Variants in GRIK2 observed in about 807,000 individuals in gnomAD.
GRIK2 encodes the protein glutamate receptor ionotropic, kainate 2.
A neutral mutation model predicts 100.3 loss-of-function variants in GRIK2; 32 were observed. The observed-to-expected ratio is 0.32, with a 90% CI of 0.24 to 0.43. The LOEUF is 0.43. GRIK2 is among the 20% of genes least tolerant of loss of function. The pLI, the probability that GRIK2 is intolerant of heterozygous loss-of-function variation, is 1.00. For missense variants in GRIK2, 843 were observed against 1,114.9 expected (o/e 0.76, Z 3.47); for synonymous variants, 417 against 389.4 (o/e 1.07, Z -0.83).
intron 2 of GRIK2, among the ~76,000 whole-genome samples, chr6:101,471,024 C>A (rs1013043794): frequency 6.6e-6 from 1 of 152,030 alleles, no homozygotes; most frequent in African/African-American, 2.4e-5. Context: ...CTTTTTGTGT[C>A]ATTATGCAAA....
At position 101,924,585 on chromosome 6, in the gene GRIK2, C is replaced by T. The variant is rs1403813393; in HGVS notation, c.1749-16C>T. 7.9e-7 allele frequency: 1 copy of T among 1,264,322 alleles called. No homozygotes were observed. The highest frequency in any genetic ancestry group is 1.2e-6 in the Non-Finnish European group (1 of 869,152). 78.3% of individuals were successfully genotyped at this position (1,264,322 alleles called of 1,614,324 possible). A position where few individuals can be genotyped will look rare whatever the true frequency, so the allele number is the denominator to read the frequency against. ...CTGCAATTTAAATGTATTCTTTTTT[C>T]TGTCAATTACCACAGGTTTAGTCCT... On this transcript the variant is annotated splice_polypyrimidine_tract_variant and intron_variant, in intron 12 of 16. Coordinates refer to ENST00000369134, the MANE Select transcript of GRIK2 (RefSeq NM_021956.5).
chr6:101,864,143 C>CAAA (rs138911944), intron 11 of GRIK2, among the ~76,000 whole-genome samples: 2,447 of 85,724 alleles, frequency 0.029, 103 homozygotes, highest in African/African-American at 0.11. Context: ...GACTCCGTCT[C>CAAA]AAAAAAAAAA....
chr6:101,673,367 GTTC>G (rs1419132408), intron 4 of GRIK2, among the ~76,000 whole-genome samples: 1 of 152,090 alleles, frequency 6.6e-6, no homozygotes, highest in Non-Finnish European at 1.5e-5. Flanking sequence ...TCTTTCCCCG[GTTC>G]TTCTCATCGG....
intron 2 of GRIK2, among the ~76,000 whole-genome samples, chr6:101,519,686 G>A: frequency 6.6e-6 from 1 of 151,944 alleles, no homozygotes; most frequent in Non-Finnish European, 1.5e-5. Flanking sequence ...GTTTTTGATG[G>A]ATATAAAAAT....
At chr6:101,403,973 T>A (rs892383576) in intron 2 of GRIK2, among the ~76,000 whole-genome samples, 29 of 152,336 alleles carry the variant, frequency 1.9e-4, no homozygotes, top group African/African-American at 6.5e-4. Context: ...CTTGATGTGA[T>A]CCATCAAAAG....
At chr6:101,739,019 C>T (rs62419268) in intron 7 of GRIK2, among the ~76,000 whole-genome samples, 1 of 152,150 alleles carries the variant, frequency 6.6e-6, no homozygotes, top group African/African-American at 2.4e-5. Context: ...TCTCTTTTAA[C>T]AGATGTCTAT....
chr6:101,592,137 A>G (rs767913904), intron 2 of GRIK2, among the ~76,000 whole-genome samples: 1 of 152,044 alleles, frequency 6.6e-6, no homozygotes, highest in Non-Finnish European at 1.5e-5. Context: ...AGATGCCAGC[A>G]TCATGCTTCC....
At chr6:101,629,970 G>A (rs1448492005) in intron 4 of GRIK2, among the ~76,000 whole-genome samples, 1 of 152,064 alleles carries the variant, frequency 6.6e-6, no homozygotes, top group Non-Finnish European at 1.5e-5. Flanking sequence ...TGAAGTATTT[G>A]GTTTTCTGTT....
intron 15 of GRIK2, among the ~76,000 whole-genome samples, chr6:102,037,232 C>T (rs1770319757): frequency 6.6e-6 from 1 of 151,172 alleles, no homozygotes. Context: ...CGAGTTCTTA[C>T]TCCCAAAATA....
chr6:101,794,161 C>T (rs548588039), intron 7 of GRIK2, among the ~76,000 whole-genome samples: 8 of 152,304 alleles, frequency 5.3e-5, no homozygotes, highest in Non-Finnish European at 1.2e-4. Flanking sequence ...CCTTGCGCTT[C>T]CTGAGTGAGG....
intron 7 of GRIK2, among the ~76,000 whole-genome samples, chr6:101,769,190 T>A (rs1778244430): frequency 6.6e-6 from 1 of 152,320 alleles, no homozygotes; most frequent in Middle Eastern, 3.4e-3. Flanking sequence ...ATCTTTGTAC[T>A]GTTTTCCTTG....
At chr6:101,682,509 C>A in intron 5 of GRIK2, 44 bp from the exon 6 acceptor site, 1 of 841,880 alleles carries the variant, frequency 1.2e-6, no homozygotes, top group Non-Finnish European at 2.0e-6. Context: ...GACATACTGT[C>A]TTTCCTGAAA....
chr6:101,678,804 C>A (rs1485973722), intron 5 of GRIK2, among the ~76,000 whole-genome samples: 2 of 152,100 alleles, frequency 1.3e-5, no homozygotes, highest in Admixed American at 6.6e-5. Context: ...AAATAAATGG[C>A]CTTAATCAGT....
rs539748178 is a variant in GRIK2 at position 101,954,686 on chromosome 6, T to A, written c.2085+26054T>A. ...TTTAAGGTTTTCTTTCCAATCTGGA[T>A]GCCTTTGTGTTTTTTTTCTTGCCTT... On this transcript the variant is annotated intron_variant, in intron 14 of 16. Coordinates refer to ENST00000369134, the MANE Select transcript of GRIK2 (RefSeq NM_021956.5). Among the ~76,000 whole-genome samples the A allele has an allele frequency of 1.7e-3, 265 of 152,308 alleles. 1 individual carries two copies. Among genetic ancestry groups the A allele is most frequent in the South Asian group, 0.011 (54 of 4,830 alleles).
chr6:101,551,470 A>G (rs540474113), intron 2 of GRIK2, among the ~76,000 whole-genome samples: 2 of 152,276 alleles, frequency 1.3e-5, no homozygotes, highest in East Asian at 3.9e-4. Flanking sequence ...GAGGAGTAAG[A>G]AGACACTGCA....
chr6:101,554,292 G>C (rs1300186428), intron 2 of GRIK2, among the ~76,000 whole-genome samples: 3 of 152,158 alleles, frequency 2.0e-5, no homozygotes, highest in Non-Finnish European at 4.4e-5. Flanking sequence ...TAGTGTCTGT[G>C]TCCTTCAGAT....
chr6:101,959,724 G>A (rs1222448006), intron 14 of GRIK2, among the ~76,000 whole-genome samples: 2 of 152,140 alleles, frequency 1.3e-5, no homozygotes, highest in Admixed American at 6.5e-5. Context: ...TTTTAACACC[G>A]ATGAAAATTT....
intron 7 of GRIK2, among the ~76,000 whole-genome samples, chr6:101,749,583 A>T (rs1776651111): frequency 6.6e-6 from 1 of 152,128 alleles, no homozygotes; most frequent in Non-Finnish European, 1.5e-5. Context: ...ATAGTAGTCT[A>T]TCAATGAGGG....
At chr6:102,000,505 A>C (rs933160487) in intron 14 of GRIK2, among the ~76,000 whole-genome samples, 1 of 151,944 alleles carries the variant, frequency 6.6e-6, no homozygotes, top group African/African-American at 2.4e-5. Context: ...TTTCACTTAG[A>C]AGTAAGAACA....
Sources: gnomAD v4.1 joint callset for allele counts (sites outside exome capture counted in the v4.1 genomes callset) on GRCh38, gnomAD v4.1.1 for gene constraint, MANE v1.5 for transcripts, NCBI Gene and HGNC (gene_info 2026-07-23, HGNC 2026-07-21) for gene names.